Variants in MLLT10 observed in about 807,000 individuals in gnomAD.
MLLT10 encodes the protein protein AF-10.
MLLT10 carries 30 observed loss-of-function variants against 129.1 expected under a neutral mutation model. The observed-to-expected ratio is 0.23, with a 90% CI of 0.17 to 0.32. The LOEUF is 0.32. Among genes scored for constraint, MLLT10 ranks in the 10% least tolerant of loss-of-function variants. The pLI is 1.00. For synonymous variants in MLLT10, 490 were observed against 446.4 expected (o/e 1.10, Z -1.23); for missense variants, 1,119 against 1,268.3 (o/e 0.88, Z 1.79).
At chr10:21,717,677 T>TTCC (rs1218411767) in intron 14 of MLLT10, among the ~76,000 whole-genome samples, 11 of 19,558 alleles carry the variant, frequency 5.6e-4, no homozygotes, top group Admixed American at 1.4e-3. Context: ...CCTCCTCCTC[T>TTCC]TCCTCCTCCT....
chr10:21,579,972 A>G (rs747469798), intron 3 of MLLT10, among the ~76,000 whole-genome samples: 1 of 148,072 alleles, frequency 6.8e-6, no homozygotes, highest in Non-Finnish European at 1.5e-5. Context: ...CACATGTTGT[A>G]TTTTTAGTAT....
At chr10:21,691,252 A>G (rs959846037) in intron 13 of MLLT10, among the ~76,000 whole-genome samples, 5 of 152,108 alleles carry the variant, frequency 3.3e-5, no homozygotes, top group South Asian at 2.1e-4. Context: ...CTATGTCCCA[A>G]TCACCTTCAT....
chr10:21,627,565 A>G (rs1237826333), intron 8 of MLLT10, among the ~76,000 whole-genome samples: 1 of 152,142 alleles, frequency 6.6e-6, no homozygotes, highest in Admixed American at 6.5e-5. Context: ...TGACCTTGAC[A>G]TCTCTTAAAG....
intron 9 of MLLT10, among the ~76,000 whole-genome samples, chr10:21,664,785 C>A (rs1224719523): frequency 6.6e-6 from 1 of 151,930 alleles, no homozygotes; most frequent in Non-Finnish European, 1.5e-5. Context: ...GATGAGTAAG[C>A]CACTGTATTT....
intron 5 of MLLT10, among the ~76,000 whole-genome samples, chr10:21,603,331 T>C (rs1304642149): frequency 6.6e-6 from 1 of 151,594 alleles, no homozygotes; most frequent in Admixed American, 6.6e-5. Flanking sequence ...CCTCTGAAAG[T>C]GCTGGGATTA....
At chr10:21,620,598 A>G (rs1055742705) in intron 8 of MLLT10, among the ~76,000 whole-genome samples, 2 of 152,318 alleles carry the variant, frequency 1.3e-5, no homozygotes, top group Middle Eastern at 3.4e-3. Flanking sequence ...TTCATAAGAT[A>G]TACATTGAAC....
At chr10:21,636,276 G>A (rs1370630541) in intron 8 of MLLT10, among the ~76,000 whole-genome samples, 6 of 151,738 alleles carry the variant, frequency 4.0e-5, no homozygotes, top group South Asian at 2.1e-4. Flanking sequence ...ATGCACCACC[G>A]CTGCCTGGCT....
chr10:21,717,790 C>CTTCTTCTTCTCT (rs2056812141), intron 14 of MLLT10, among the ~76,000 whole-genome samples: 1 of 140,104 alleles, frequency 7.1e-6, no homozygotes, highest in South Asian at 2.3e-4. Flanking sequence ...GCTTCTTCTT[C>CTTCTTCTTCTCT]TTCTTCTTCT....
chr10:21,594,955 A>T (rs997984954), intron 4 of MLLT10, among the ~76,000 whole-genome samples: 1 of 152,218 alleles, frequency 6.6e-6, no homozygotes, highest in Non-Finnish European at 1.5e-5. Context: ...GACATTTAAA[A>T]TGATTAAGAT....
intron 4 of MLLT10, 56 bp downstream of exon 4, chr10:21,586,404 T>C (rs2041989698): frequency 8.3e-7 from 1 of 1,203,050 alleles, no homozygotes; most frequent in African/African-American, 1.6e-5. Context: ...CAGTGGAGTA[T>C]TTTCAAATAT....
chr10:21,672,438 T>C (rs1056184114), intron 10 of MLLT10, among the ~76,000 whole-genome samples: 7 of 152,168 alleles, frequency 4.6e-5, no homozygotes, highest in Admixed American at 1.3e-4. Flanking sequence ...CCTGAGTAGC[T>C]GGGATTAGAG....
In MLLT10 at chr10:21,742,218, A is replaced by T. The variant is rs1290127471; in HGVS notation, c.*235A>T. 7.3e-6 allele frequency: 3 copies of T among 411,712 alleles called. No individual in the cohort carries two copies. The highest frequency in any genetic ancestry group is 1.3e-5 in the Non-Finnish European group (3 of 233,296). The allele number at this position is 411,712 out of a possible 1,614,324, so 25.5% of individuals were successfully genotyped here. On this transcript the variant is annotated 3_prime_UTR_variant, in exon 23 of 23. Coordinates refer to ENST00000307729, the MANE Select transcript of MLLT10 (RefSeq NM_001195626.3). ...CCTTACCCCAGTTTTTTGAACATGG[A>T]AAGAAAATTTAATAACTTTTTAAAG...
rs148188510 is a variant in MLLT10 at position 21,732,225 on chromosome 10, T to G, written c.2219-674T>G. Among the ~76,000 whole-genome samples the G allele has an allele frequency of 6.1e-4, 93 of 152,334 alleles. 1 individual carries two copies. In the East Asian group the frequency reaches 0.017, roughly 28 times the overall value. Reference sequence around the variant, plus strand: ...CAAAAATCTTAACGGCAACACTCTGTGTTGTTAGCTGGGAGGTCCAAGTTG... The same window carrying G: ...CAAAAATCTTAACGGCAACACTCTGGGTTGTTAGCTGGGAGGTCCAAGTTG... On this transcript the variant is annotated intron_variant, in intron 17 of 22. Transcript: ENST00000307729.
At chr10:21,729,585 A>G (rs2057789048) in intron 16 of MLLT10, among the ~76,000 whole-genome samples, 2 of 152,336 alleles carry the variant, frequency 1.3e-5, no homozygotes, top group Middle Eastern at 6.8e-3. Flanking sequence ...GGCAGTGTCA[A>G]GAACACTAGT....
intron 5 of MLLT10, among the ~76,000 whole-genome samples, chr10:21,597,526 C>T (rs574225728): frequency 2.0e-5 from 3 of 152,126 alleles, no homozygotes; most frequent in Non-Finnish European, 2.9e-5. Flanking sequence ...TACACCACCA[C>T]ATCCAGCTAA....
intron 16 of MLLT10, 40 bp downstream of exon 16, chr10:21,727,968 CGTT>C (rs1422400007): frequency 1.9e-6 from 3 of 1,571,130 alleles, no homozygotes; most frequent in Non-Finnish European, 2.6e-6. Context: ...GCAAAGGAAA[CGTT>C]TGAGATTTGG....
chr10:21,664,898 ACTTT>A (rs2050593758), intron 9 of MLLT10, among the ~76,000 whole-genome samples: 1 of 142,596 alleles, frequency 7.0e-6, no homozygotes, highest in African/African-American at 2.6e-5. Flanking sequence ...ACATGCTTAT[ACTTT>A]CTTTGTGCCT....
At chr10:21,576,306 G>C (rs1428634225) in intron 3 of MLLT10, among the ~76,000 whole-genome samples, 1 of 146,422 alleles carries the variant, frequency 6.8e-6, no homozygotes, top group Non-Finnish European at 1.5e-5. Flanking sequence ...GCAGTGGCAT[G>C]ATCTTGGTTC....
intron 13 of MLLT10, among the ~76,000 whole-genome samples, chr10:21,712,171 GT>G (rs1177972421): frequency 6.7e-6 from 1 of 149,466 alleles, no homozygotes; most frequent in African/African-American, 2.5e-5. Context: ...AAGATTCTAG[GT>G]GCTTTAATTT....
Sources: gnomAD v4.1 joint callset for allele counts (sites outside exome capture counted in the v4.1 genomes callset) on GRCh38, gnomAD v4.1.1 for gene constraint, MANE v1.5 for transcripts, NCBI Gene and HGNC (gene_info 2026-07-23, HGNC 2026-07-21) for gene names.